The following BGN variants were observed in gnomAD, a reference collection of about 807,000 sequenced individuals.
BGN encodes the protein bone/cartilage proteoglycan-I.
Under a neutral mutation model 20.0 loss-of-function variants are expected in BGN, and 6 were observed. That is an observed-to-expected ratio of 0.30 (90% CI 0.16 to 0.59). BGN has a LOEUF of 0.59. BGN is among the 20% of genes least tolerant of loss of function. The pLI, the probability that BGN is intolerant of heterozygous loss-of-function variation, is 0.88. For synonymous variants in BGN, 146 were observed against 134.6 expected, an observed-to-expected ratio of 1.08 and a Z score of -0.59; for missense variants, 292 against 312.1, an observed-to-expected ratio of 0.94 and a Z score of 0.49.
In BGN at chrX:153,506,618, A is replaced by C. The variant is rs2089802383; in HGVS notation, c.655A>C (p.Lys219Gln). 4 of 1,211,347 alleles carry C rather than the reference A, an allele frequency of 3.3e-6. No individual in the cohort carries two copies. Among genetic ancestry groups the C allele is most frequent in the Middle Eastern group, 2.3e-4 (1 of 4,352 alleles). The change falls in exon 5 of 8, where the codon AAG becomes CAG. Residue 219 changes from lysine (K) to glutamine (Q), a missense_variant. Physicochemically the swap from Lys to Gln is moderately conservative, Grantham distance 53. Coordinates refer to ENST00000331595, the MANE Select transcript of BGN (RefSeq NM_001711.6). Reference sequence around the variant, plus strand: ...CAACTACCTGCGCATCTCAGAGGCCAAGCTGACTGGCATCCCCAAAGGTAG... The same window carrying C: ...CAACTACCTGCGCATCTCAGAGGCCCAGCTGACTGGCATCCCCAAAGGTAG... ...KLNYLRISEA[K>Q]LTGIPKDLPE...
Position 153,505,293 on chromosome X carries a change from GAAC to G in BGN, c.298_300del (p.Asn100del), listed in dbSNP as rs1556992796. On this transcript the variant is annotated inframe_deletion, in exon 3 of 8. Coordinates refer to ENST00000331595, the MANE Select transcript of BGN (RefSeq NM_001711.6). Reference sequence around the variant, plus strand: ...CTGACACCACGCTGCTGGACCTGCAGAACAACGACATCTCCGAGCTCCGCAAGG... The same window carrying G: ...CTGACACCACGCTGCTGGACCTGCAGAACGACATCTCCGAGCTCCGCAAGG... The G allele has an allele frequency of 8.3e-7, 1 of 1,211,027 alleles. No individual in the cohort carries two copies. The highest frequency in any genetic ancestry group is 2.2e-5 in the Admixed American group (1 of 46,058).
intron 1 of BGN, among the ~76,000 whole-genome samples, chrX:153,500,629 A>G (rs62594119): frequency 0.28 from 31,376 of 112,177 alleles, 3,482 homozygotes; most frequent in Middle Eastern, 0.41. Context: ...GTGTGTATGC[A>G]TGTGTGTATA....
chrX:153,501,600 C>G (rs2124224170), intron 1 of BGN, among the ~76,000 whole-genome samples: 1 of 112,831 alleles, frequency 8.9e-6, no homozygotes, highest in South Asian at 3.6e-4. Flanking sequence ...CTTCATGGGC[C>G]CCTTGCTGCC....
rs781951747 is a variant in BGN, at chrX:153,508,887, A to G, written c.*442A>G. 3.2e-5 allele frequency: 5 copies of G among 156,578 alleles called. No individual in the cohort carries two copies. Among genetic ancestry groups the G allele is most frequent in the Admixed American group, 1.6e-4 (2 of 12,622 alleles). 12.9% of individuals were successfully genotyped at this position (156,578 alleles called of 1,213,427 possible). A position where few individuals can be genotyped will look rare whatever the true frequency, so the allele number is the denominator to read the frequency against. On this transcript the variant is annotated 3_prime_UTR_variant, in exon 8 of 8. Transcript: ENST00000331595. ...CACACATGTTCTGTTCCTCCTCCTC[A>G]TGCATTTCCAGCCTTTCAACCCTCC...
chrX:153,505,189 G>A (rs782509706), intron 2 of BGN, 49 bp from the exon 3 acceptor site: 1 of 1,067,942 alleles, frequency 9.4e-7, no homozygotes, highest in Non-Finnish European at 1.3e-6. Flanking sequence ...GGTGGGGGTG[G>A]GGCCCCTAGG....
chrX:153,500,388 C>A (rs1338929436), intron 1 of BGN, among the ~76,000 whole-genome samples: 1 of 111,630 alleles, frequency 9.0e-6, no homozygotes, highest in Non-Finnish European at 1.9e-5. Flanking sequence ...GGGCTTGAAA[C>A]CCTCCCTGAA....
Position 153,508,241 on chromosome X carries a change from C to A in BGN, c.910-7C>A, listed in dbSNP as rs782021226. The A allele has an allele frequency of 6.6e-6, 8 of 1,209,828 alleles. No individual in the cohort carries two copies. The African/African-American group carries it at 1.4e-4, about 21-fold the overall frequency. On this transcript the variant is annotated splice_polypyrimidine_tract_variant and splice_region_variant and intron_variant, in intron 7 of 7. Coordinates refer to ENST00000331595, the MANE Select transcript of BGN (RefSeq NM_001711.6). Reference sequence around the variant, plus strand: ...GGCCTGCCGTGACCCGGCCTCTCTGCCTTCAGGTGGTCTATCTGCACTCCA... The same window carrying A: ...GGCCTGCCGTGACCCGGCCTCTCTGACTTCAGGTGGTCTATCTGCACTCCA...
intron 5 of BGN, 84 bp from the exon 6 acceptor site, chrX:153,506,746 C>A: frequency 8.7e-7 from 1 of 1,145,177 alleles, no homozygotes; most frequent in Non-Finnish European, 1.2e-6. Context: ...AAAGGCTCAA[C>A]AGTCCCCTCC....
In BGN at chrX:153,504,648, G is replaced by T. The variant is rs781931209; in HGVS notation, c.17G>T (p.Arg6Leu). The T allele has an allele frequency of 3.3e-6, 4 of 1,205,382 alleles. No individual in the cohort carries two copies. The highest frequency in any genetic ancestry group is 4.4e-5 in the Admixed American group (2 of 45,774). Residue 6 changes from arginine to leucine, a missense_variant, in exon 2 of 8, where the codon CGC becomes CTC. Physicochemically the swap from Arg to Leu is moderately radical, Grantham distance 102 (BLOSUM62 -2). Transcript: ENST00000331595. MWPLW[R>L]LVSLLALSQA... ...CCATCCGCCATGTGGCCCCTGTGGC[G>T]CCTCGTGTCTCTGCTGGCCCTGAGC...
chrX:153,500,635 G>A (rs1449718909), intron 1 of BGN, among the ~76,000 whole-genome samples: 1 of 113,124 alleles, frequency 8.8e-6, no homozygotes, highest in Non-Finnish European at 1.9e-5. Context: ...ATGCATGTGT[G>A]TATAGATGTG....
Position 153,504,618 on chromosome X carries a change from C to G in BGN, c.-11-3C>G, listed in dbSNP as rs1556992587. On this transcript the variant is annotated splice_polypyrimidine_tract_variant and splice_region_variant and intron_variant, in intron 1 of 7. Transcript: ENST00000331595. ...CTGATGATCCCCTCGCCTCTTCCCC[C>G]AGGTCCATCCGCCATGTGGCCCCTG... The G allele has an allele frequency of 4.2e-6, 5 of 1,185,723 alleles. No homozygotes were observed. The highest frequency in any genetic ancestry group is 4.6e-6 in the Non-Finnish European group (4 of 875,634).
chrX:153,498,864 T>C (rs2124217312), intron 1 of BGN, among the ~76,000 whole-genome samples: 1 of 112,294 alleles, frequency 8.9e-6, no homozygotes, highest in African/African-American at 3.2e-5. Flanking sequence ...CTGTGGGCCA[T>C]AGGGAGCTAC....
intron 2 of BGN, 55 bp downstream of exon 2, chrX:153,504,924 GA>G (rs1218253026): frequency 9.2e-7 from 1 of 1,088,663 alleles, no homozygotes; most frequent in Admixed American, 2.3e-5. Flanking sequence ...GGTGCAGCCT[GA>G]GAGCCCCTTC....
chrX:153,505,129 T>G, intron 2 of BGN, 109 bp from the exon 3 acceptor site: 2 of 657,044 alleles, frequency 3.0e-6, no homozygotes, highest in Non-Finnish European at 4.8e-6. Context: ...TGGCTCCAAG[T>G]TCATGCTGGT....
At chrX:153,501,093 G>A (rs897696109) in intron 1 of BGN, among the ~76,000 whole-genome samples, 3 of 111,701 alleles carry the variant, frequency 2.7e-5, no homozygotes, top group Non-Finnish European at 5.7e-5. Flanking sequence ...TTGTATAGGT[G>A]TGTGCATGTG....
In BGN at chrX:153,508,255, A is replaced by T. The variant is rs1556993704; in HGVS notation, c.917A>T (p.Tyr306Phe). The change falls in exon 8 of 8, where the codon TAT becomes TTT. Residue 306 changes from tyrosine (Y) to phenylalanine (F), a missense_variant. Transcript: ENST00000331595. ...LPDLKLLQVV[Y>F]LHSNNITKVG... Reference sequence around the variant, plus strand: ...CGGCCTCTCTGCCTTCAGGTGGTCTATCTGCACTCCAACAACATCACCAAA... The same window carrying T: ...CGGCCTCTCTGCCTTCAGGTGGTCTTTCTGCACTCCAACAACATCACCAAA... 8.3e-7 allele frequency: 1 copy of T among 1,211,849 alleles called. No individual in the cohort carries two copies. Among genetic ancestry groups the T allele is most frequent in the Non-Finnish European group, 1.1e-6 (1 of 895,445 alleles).
At chrX:153,505,421 C>T (rs1556992859) in intron 3 of BGN, 71 bp downstream of exon 3, 2 of 926,538 alleles carry the variant, frequency 2.2e-6, no homozygotes, top group African/African-American at 1.9e-5. Context: ...TGTGCGTGGA[C>T]GTGTGGGGTA....
In BGN at chrX:153,508,808, G is replaced by A. The variant is rs1255275018; in HGVS notation, c.*363G>A. The A allele has an allele frequency of 4.9e-5, 13 of 263,229 alleles. No homozygotes were observed. Among genetic ancestry groups the A allele is most frequent in the South Asian group, 4.3e-4 (7 of 16,097 alleles). 21.7% of individuals were successfully genotyped at this position (263,229 alleles called of 1,213,427 possible). On this transcript the variant is annotated 3_prime_UTR_variant, in exon 8 of 8. Transcript: ENST00000331595. ...GTCCCTGGGTCAGCAGCCAGGAGGC[G>A]GTCCATAAGAATGGGGACAGTGGGC...
In BGN at chrX:153,507,249, C is replaced by T. The variant is rs374661201; in HGVS notation, c.909+64C>T. 66 of 1,124,375 alleles carry T rather than the reference C, an allele frequency of 5.9e-5. 1 individual carries two copies. The highest frequency in any genetic ancestry group is 2.8e-4 in the East Asian group (9 of 32,179). 92.7% of individuals were successfully genotyped at this position (1,124,375 alleles called of 1,213,427 possible). ...GGGCTGGGGGAGGCGTGTGTGTCCC[C>T]GGGCAGTCCCTCAGTCCCCTGGCCC... On this transcript the variant is annotated intron_variant, in intron 7 of 7. Coordinates refer to ENST00000331595, the MANE Select transcript of BGN (RefSeq NM_001711.6).
Sources: gnomAD v4.1 joint callset for allele counts (sites outside exome capture counted in the v4.1 genomes callset) on GRCh38, gnomAD v4.1.1 for gene constraint, MANE v1.5 for transcripts, NCBI Gene and HGNC (gene_info 2026-07-23, HGNC 2026-07-21) for gene names.